GAREM1: variants seen among roughly 807,000 people sequenced by gnomAD.
GAREM1 encodes GRB2-associated and regulator of MAPK protein 1.
In GAREM1, 26 loss-of-function variants were observed where a neutral mutation model predicts 71.3. The observed-to-expected ratio is 0.36, with a 90% CI of 0.27 to 0.51. The LOEUF is 0.51. Among genes scored for constraint, GAREM1 ranks in the 20% least tolerant of loss-of-function variants. The probability of loss-of-function intolerance (pLI) is 0.95; values close to 1 mark genes in which losing one functional copy is unlikely to be tolerated. For synonymous variants in GAREM1, 440 were observed against 433.2 expected, an observed-to-expected ratio of 1.02 and a Z score of -0.20; for missense variants, 1,026 against 1,103.1, an observed-to-expected ratio of 0.93 and a Z score of 0.99.
intron 1 of GAREM1, among the ~76,000 whole-genome samples, chr18:32,420,942 T>C (rs1306170448): frequency 6.6e-6 from 1 of 152,112 alleles, no homozygotes; most frequent in African/African-American, 2.4e-5. Context: ...CCTCAGTATC[T>C]GCGCTGCATC....
In GAREM1 at chr18:32,288,143, C is replaced by T; in HGVS notation, c.454G>A (p.Asp152Asn). Residue 152 changes from aspartate (D) to asparagine (N), a missense_variant, in exon 4 of 6, where the codon GAT becomes AAT. By Grantham distance (23) the Asp-to-Asn change is conservative. This residue lies in a region of GAREM1 where 218 missense variants were observed against 296.8 expected (regional missense o/e 0.73). Transcript: ENST00000269209. ...EVYNITLCTGDELTLMGQAEI... is the reference protein window; with the variant it reads ...EVYNITLCTGNELTLMGQAEI... ...GCCTGCCCCATTAGAGTGAGTTCAT[C>T]CCCAGTACACAGGGTGATGTTGTAA... is the stretch of plus-strand genomic sequence containing the variant. 1 of 1,614,032 alleles carries T rather than the reference C, an allele frequency of 6.2e-7. No individual in the cohort carries two copies.
chr18:32,335,685 G>T (rs1314944478), intron 2 of GAREM1, among the ~76,000 whole-genome samples: 1 of 152,212 alleles, frequency 6.6e-6, no homozygotes, highest in Non-Finnish European at 1.5e-5. Flanking sequence ...TCTCAGAAAT[G>T]CTTGATAGAT....
chr18:32,331,081 T>G (rs1223766939), intron 2 of GAREM1, among the ~76,000 whole-genome samples: 1 of 152,178 alleles, frequency 6.6e-6, no homozygotes, highest in Admixed American at 6.5e-5. Context: ...ACTGACATCA[T>G]AGATAATTAT....
At chr18:32,463,445 A>G (rs372140551) in intron 1 of GAREM1, among the ~76,000 whole-genome samples, 2 of 152,204 alleles carry the variant, frequency 1.3e-5, no homozygotes, top group East Asian at 3.9e-4. Flanking sequence ...GCCTGCTACA[A>G]TGTCCTCTCC....
In GAREM1 at chr18:32,289,577, A is replaced by T. The variant is rs532947313; in HGVS notation, c.394-1374T>A. Among the ~76,000 whole-genome samples, 112 of 151,994 alleles carry T rather than the reference A, an allele frequency of 7.4e-4. 1 individual carries two copies. In the South Asian group the frequency reaches 0.02, roughly 27 times the overall value. On this transcript the variant is annotated intron_variant, in intron 3 of 5. Coordinates refer to ENST00000269209, the MANE Select transcript of GAREM1 (RefSeq NM_001242409.2). ...CTTAACTATTAAAGTTGTTTTTTTT[A>T]AAATGTAGTCAATATTTTCAAAATT...
chr18:32,367,465 A>G (rs1169055235), intron 2 of GAREM1, among the ~76,000 whole-genome samples: 2 of 152,254 alleles, frequency 1.3e-5, no homozygotes, highest in African/African-American at 4.8e-5. Context: ...AGATTTATAT[A>G]GCATCTAGGA....
intron 2 of GAREM1, among the ~76,000 whole-genome samples, chr18:32,392,453 C>G (rs192104945): frequency 1.9e-4 from 29 of 152,176 alleles, no homozygotes; most frequent in Non-Finnish European, 1.5e-5. Context: ...GAGACATATC[C>G]AGGTATATGA....
At chr18:32,445,875 T>C (rs1006294142) in intron 1 of GAREM1, among the ~76,000 whole-genome samples, 1 of 152,252 alleles carries the variant, frequency 6.6e-6, no homozygotes, top group East Asian at 1.9e-4. Flanking sequence ...AAAATATAGG[T>C]TAAGGCAATA....
intron 2 of GAREM1, among the ~76,000 whole-genome samples, chr18:32,367,912 G>A (rs1275260096): frequency 2.0e-5 from 3 of 152,180 alleles, no homozygotes; most frequent in African/African-American, 4.8e-5. Flanking sequence ...CCTGAGACAA[G>A]GCAGAGTCAA....
At chr18:32,288,279 C>T in intron 3 of GAREM1, 76 bp from the exon 4 acceptor site, 1 of 1,123,130 alleles carries the variant, frequency 8.9e-7, no homozygotes, top group Non-Finnish European at 1.3e-6. Context: ...TTAAGACACA[C>T]ACAAATACAC....
chr18:32,288,207 C>T lies in GAREM1; in HGVS notation c.394-4G>A. The T allele has an allele frequency of 1.3e-6, 2 of 1,577,362 alleles. No homozygotes were observed. Among genetic ancestry groups the T allele is most frequent in the Non-Finnish European group, 1.7e-6 (2 of 1,163,076 alleles). Reference sequence around the variant, plus strand: ...CATTGCATTCACCTGAAGCAACCTACAATATAATAAATCACATTTTACGTT... The same window carrying T: ...CATTGCATTCACCTGAAGCAACCTATAATATAATAAATCACATTTTACGTT... On this transcript the variant is annotated splice_region_variant and splice_polypyrimidine_tract_variant and intron_variant, in intron 3 of 5. Transcript: ENST00000269209.
chr18:32,329,689 G>C (rs934225895), intron 2 of GAREM1, among the ~76,000 whole-genome samples: 35 of 127,518 alleles, frequency 2.7e-4, no homozygotes, highest in African/African-American at 1.1e-3. Flanking sequence ...CTGGGTGACA[G>C]AGCGAGACTC....
At chr18:32,462,459 G>T (rs1390978395) in intron 1 of GAREM1, among the ~76,000 whole-genome samples, 1 of 151,962 alleles carries the variant, frequency 6.6e-6, no homozygotes. Context: ...TTTTAAATAG[G>T]ATTATTTGTC....
chr18:32,412,041 C>T (rs4104672), intron 1 of GAREM1: 1 of 684,504 alleles, frequency 1.5e-6, no homozygotes, highest in Non-Finnish European at 2.6e-6. Flanking sequence ...TAGTCACAAA[C>T]ACAGTCCTCG....
chr18:32,274,908 A>G (rs1598921263), intron 4 of GAREM1, among the ~76,000 whole-genome samples: 1 of 152,034 alleles, frequency 6.6e-6, no homozygotes, highest in East Asian at 1.9e-4. Flanking sequence ...CCTGGCATGA[A>G]CATGTCACAC....
chr18:32,328,336 A>G (rs1302840256), intron 2 of GAREM1, among the ~76,000 whole-genome samples: 1 of 152,260 alleles, frequency 6.6e-6, no homozygotes, highest in Non-Finnish European at 1.5e-5. Context: ...GATAAACTCA[A>G]TTACTGCAGG....
intron 3 of GAREM1, 116 bp downstream of exon 3, chr18:32,310,075 CTA>C: frequency 8.9e-7 from 1 of 1,122,282 alleles, no homozygotes; most frequent in Admixed American, 2.3e-5. Context: ...CTGCCACTAA[CTA>C]TTAGAAGATA....
At chr18:32,467,062 T>C (rs894225413) in intron 1 of GAREM1, among the ~76,000 whole-genome samples, 1 of 152,210 alleles carries the variant, frequency 6.6e-6, no homozygotes, top group African/African-American at 2.4e-5. Context: ...CTTTATATAT[T>C]GTGTAGTGAA....
At chr18:32,378,057 T>TGTGTGTGTGTGTGTGTGTGTGC (rs1293817110) in intron 2 of GAREM1, among the ~76,000 whole-genome samples, 22 of 127,526 alleles carry the variant, frequency 1.7e-4, no homozygotes, top group African/African-American at 6.6e-4. Context: ...TGTGTGTGTG[T>TGTGTGTGTGTGTGTGTGTGTGC]GCGCGCGGGC....
Sources: gnomAD v4.1 joint callset for allele counts (sites outside exome capture counted in the v4.1 genomes callset) on GRCh38, gnomAD v4.1.1 for gene constraint, gnomAD v4.1.1 regional missense constraint, MANE v1.5 for transcripts, NCBI Gene and HGNC (gene_info 2026-07-23, HGNC 2026-07-21) for gene names.